The following NCAPD3 variants were observed in gnomAD, a reference collection of about 807,000 sequenced individuals.
NCAPD3 encodes non-SMC condensin II complex subunit D3, also known as condensin-2 complex subunit D3.
A neutral mutation model predicts 182.9 loss-of-function variants in NCAPD3; 105 were observed. That is an observed-to-expected ratio of 0.57 (90% CI 0.49 to 0.68). NCAPD3 has a LOEUF of 0.68. Among genes scored for constraint, NCAPD3 ranks in the 30% least tolerant of loss-of-function variants. The probability of loss-of-function intolerance (pLI) is 0.00; values close to 1 mark genes in which losing one functional copy is unlikely to be tolerated. For missense variants in NCAPD3, 1,944 were observed against 1,837.0 expected (o/e 1.06, Z -1.07); for synonymous variants, 815 against 679.9 (o/e 1.20, Z -3.09).
intron 27 of NCAPD3, among the ~76,000 whole-genome samples, chr11:134,167,214 ACT>A (rs1354334195): frequency 9.1e-6 from 1 of 109,776 alleles, no homozygotes; most frequent in Non-Finnish European, 1.8e-5. Flanking sequence ...AGAGCAGCAC[ACT>A]CGTGAGATGA....
intron 13 of NCAPD3, among the ~76,000 whole-genome samples, chr11:134,200,851 AAAC>A (rs1478484412): frequency 1.3e-5 from 2 of 152,206 alleles, no homozygotes; most frequent in African/African-American, 4.8e-5. Flanking sequence ...ATGAATGCAT[AAAC>A]AAAATGTGGT....
chr11:134,158,222 C>G, intron 30 of NCAPD3, 107 bp downstream of exon 30: 1 of 1,535,522 alleles, frequency 6.5e-7, no homozygotes. Flanking sequence ...GGTGGCAGGC[C>G]AGACAATGAC....
intron 3 of NCAPD3, among the ~76,000 whole-genome samples, chr11:134,215,282 C>T (rs577354268): frequency 7.2e-5 from 11 of 152,156 alleles, no homozygotes; most frequent in Admixed American, 1.3e-4. Context: ...AGGATCCCCA[C>T]GCTCCCCTTC....
chr11:134,166,069 ACACT>A lies in NCAPD3; in HGVS notation c.3573+1923_3573+1926del, dbSNP rs202081312. Among the ~76,000 whole-genome samples the A allele has an allele frequency of 4.7e-3, 312 of 66,188 alleles. 2 individuals carry two copies. Among genetic ancestry groups the A allele is most frequent in the Middle Eastern group, 0.02 (2 of 102 alleles). 43.4% of individuals were successfully genotyped at this position (66,188 alleles called of 152,430 possible). On this transcript the variant is annotated intron_variant, in intron 27 of 34. Transcript: ENST00000534548. ...AGTGAGATGAGCTTGGGGGAGCAGCACACTCACTTGTGAGATGAGCTTGGGGGAG... is the reference window on the plus strand; with the variant it reads ...AGTGAGATGAGCTTGGGGGAGCAGCACACTTGTGAGATGAGCTTGGGGGAG...
chr11:134,166,872 G>C (rs535349162), intron 27 of NCAPD3, among the ~76,000 whole-genome samples: 1 of 129,266 alleles, frequency 7.7e-6, no homozygotes, highest in East Asian at 2.6e-4. Flanking sequence ...GAGCTTAGGG[G>C]AGGCGCACAC....
intron 3 of NCAPD3, among the ~76,000 whole-genome samples, chr11:134,215,598 A>G (rs1937985087): frequency 6.6e-6 from 1 of 152,236 alleles, no homozygotes; most frequent in East Asian, 1.9e-4. Flanking sequence ...GAGATGCAAG[A>G]GTTGCGCACC....
intron 7 of NCAPD3, among the ~76,000 whole-genome samples, chr11:134,207,554 T>C (rs565543256): frequency 1.3e-5 from 2 of 152,230 alleles, no homozygotes; most frequent in East Asian, 3.9e-4. Context: ...AAGACCATCC[T>C]GGCCAACATG....
rs116519126 is a variant in NCAPD3, at chr11:134,208,019, C to T, written c.882+845G>A. On this transcript the variant is annotated intron_variant, in intron 7 of 34. Transcript: ENST00000534548. ...GTGACAAATCGATAAAGAAGGTAGA[C>T]TTTGGTCCTTTTTGTCCATAAGTGA... Among the ~76,000 whole-genome samples, 1,111 of 152,256 alleles carry T rather than the reference C, an allele frequency of 7.3e-3. 9 individuals are homozygous for T. The highest frequency in any genetic ancestry group is 0.025 in the African/African-American group (1,047 of 41,560).
chr11:134,219,367 C>T (rs542116722), intron 2 of NCAPD3, among the ~76,000 whole-genome samples: 238 of 152,234 alleles, frequency 1.6e-3, no homozygotes, highest in Non-Finnish European at 2.6e-3. Flanking sequence ...TGGCACTGAA[C>T]TCTCCACCCC....
chr11:134,153,461 G>C, intron 32 of NCAPD3, 98 bp from the exon 33 acceptor site: 1 of 1,270,832 alleles, frequency 7.9e-7, no homozygotes, highest in South Asian at 1.2e-5. Context: ...GTCCACATCA[G>C]TGTCCCAGCG....
chr11:134,154,285 T>G (rs1177804887), intron 32 of NCAPD3, among the ~76,000 whole-genome samples: 1 of 152,040 alleles, frequency 6.6e-6, no homozygotes, highest in Non-Finnish European at 1.5e-5. Context: ...GCTGGTAAAT[T>G]TACTGCCCTG....
At chr11:134,167,489 G>C (rs1943876215) in intron 27 of NCAPD3, among the ~76,000 whole-genome samples, 1 of 145,708 alleles carries the variant, frequency 6.9e-6, no homozygotes, top group African/African-American at 2.6e-5. Context: ...ATGAGCTTGG[G>C]GGAGGCGCAC....
intron 13 of NCAPD3, among the ~76,000 whole-genome samples, chr11:134,198,591 T>C (rs1290129606): frequency 6.6e-6 from 1 of 152,174 alleles, no homozygotes; most frequent in Non-Finnish European, 1.5e-5. Flanking sequence ...TTTACAGAGC[T>C]TGACTCTTTC....
At chr11:134,196,558 T>C (rs1364854900) in intron 13 of NCAPD3, among the ~76,000 whole-genome samples, 1 of 150,170 alleles carries the variant, frequency 6.7e-6, no homozygotes. Context: ...AGGCAGGAGA[T>C]TTGCTTGAGC....
chr11:134,166,051 T>G, intron 27 of NCAPD3, among the ~76,000 whole-genome samples: 1 of 84,016 alleles, frequency 1.2e-5, no homozygotes, highest in African/African-American at 5.2e-5. Context: ...ACTAGTGAGA[T>G]GAGCTTGGGG....
At chr11:134,209,070 G>A (rs1181244643) in intron 6 of NCAPD3, 75 bp downstream of exon 6, 2 of 1,502,642 alleles carry the variant, frequency 1.3e-6, no homozygotes, top group African/African-American at 2.8e-5. Flanking sequence ...GGATAAAATG[G>A]TATTTCCATT....
chr11:134,210,485 T>C, intron 3 of NCAPD3, 31 bp from the exon 4 acceptor site: 2 of 1,574,214 alleles, frequency 1.3e-6, no homozygotes, highest in Non-Finnish European at 1.7e-6. Flanking sequence ...GTAAGCAAGT[T>C]AGATTTAATT....
At chr11:134,207,807 T>C (rs1937671547) in intron 7 of NCAPD3, among the ~76,000 whole-genome samples, 1 of 151,318 alleles carries the variant, frequency 6.6e-6, no homozygotes, top group South Asian at 2.1e-4. Flanking sequence ...GGATGAATTT[T>C]CCCACCTATG....
chr11:134,181,662 C>T (rs1944299886), intron 19 of NCAPD3, among the ~76,000 whole-genome samples: 2 of 152,170 alleles, frequency 1.3e-5, no homozygotes, highest in Admixed American at 6.5e-5. Flanking sequence ...TCACTGATTA[C>T]AATAACTTCA....
Sources: allele counts gnomAD v4.1 joint callset (sites outside exome capture counted in the v4.1 genomes callset), GRCh38; gene constraint gnomAD v4.1.1; transcripts MANE v1.5; gene names NCBI Gene and HGNC (gene_info 2026-07-23, HGNC 2026-07-21).